Variants in NWD2 observed in about 807,000 individuals in gnomAD.
The protein encoded by NWD2 is NACHT and WD repeat domain containing 2.
NWD2 carries 37 observed loss-of-function variants against 132.7 expected under a neutral mutation model. The observed-to-expected ratio is 0.28, with a 90% CI of 0.21 to 0.37. NWD2 has a LOEUF of 0.37. Ranked by LOEUF, NWD2 falls within the 10% of genes least tolerant of loss-of-function variation. The probability of loss-of-function intolerance (pLI) is 1.00; values close to 1 mark genes in which losing one functional copy is unlikely to be tolerated. For missense variants in NWD2, 1,592 were observed against 2,122.4 expected (o/e 0.75, Z 4.91); for synonymous variants, 705 against 803.0 (o/e 0.88, Z 2.06).
At chr4:37,294,049 G>A (rs888287556) in intron 1 of NWD2, among the ~76,000 whole-genome samples, 11 of 152,052 alleles carry the variant, frequency 7.2e-5, no homozygotes, top group Non-Finnish European at 1.5e-4. Context: ...CAAATCACAG[G>A]AAGTCCCCAC....
intron 3 of NWD2, among the ~76,000 whole-genome samples, chr4:37,421,208 A>G (rs1003321883): frequency 2.0e-5 from 3 of 152,138 alleles, no homozygotes; most frequent in African/African-American, 7.2e-5. Flanking sequence ...TTCTTTCTCT[A>G]GCATTTTAGA....
chr4:37,330,093 A>T (rs1719260948), intron 2 of NWD2, among the ~76,000 whole-genome samples: 1 of 152,234 alleles, frequency 6.6e-6, no homozygotes, highest in Non-Finnish European at 1.5e-5. Flanking sequence ...ATTTTAAGCA[A>T]GTCCATATAC....
At chr4:37,398,304 C>T in intron 3 of NWD2, among the ~76,000 whole-genome samples, 1 of 152,148 alleles carries the variant, frequency 6.6e-6, no homozygotes, top group East Asian at 1.9e-4. Flanking sequence ...TTTTCACGGA[C>T]ATGGATGAAG....
intron 3 of NWD2, among the ~76,000 whole-genome samples, chr4:37,370,327 C>G (rs1377853668): frequency 1.3e-5 from 2 of 152,116 alleles, no homozygotes; most frequent in Non-Finnish European, 2.9e-5. Flanking sequence ...GATTTCCAAA[C>G]CTATAGTTAA....
At position 37,449,175 on chromosome 4, in the gene NWD2, G is replaced by A. The variant is rs1440936432; in HGVS notation, c.*1958G>A. 1 of 152,176 alleles carries A rather than the reference G, an allele frequency of 6.6e-6. No homozygotes were observed. Among genetic ancestry groups the A allele is most frequent in the South Asian group, 2.1e-4 (1 of 4,834 alleles). 9.4% of individuals were successfully genotyped at this position (152,176 alleles called of 1,614,324 possible). A position where few individuals can be genotyped will look rare whatever the true frequency, so the allele number is the denominator to read the frequency against. On this transcript the variant is annotated 3_prime_UTR_variant, in exon 7 of 7. Transcript: ENST00000309447. ...CACATTTCTAAGAATTAAATGCCTA[G>A]ATGGATTAAATGTAGTATGTGAATG...
At chr4:37,251,343 C>A (rs886601580) in intron 1 of NWD2, among the ~76,000 whole-genome samples, 1 of 152,184 alleles carries the variant, frequency 6.6e-6, no homozygotes, top group Non-Finnish European at 1.5e-5. Context: ...CTGTTATATA[C>A]GTGGTTTATT....
intron 2 of NWD2, among the ~76,000 whole-genome samples, chr4:37,353,206 T>G (rs924073296): frequency 6.6e-6 from 1 of 152,214 alleles, no homozygotes; most frequent in African/African-American, 2.4e-5. Flanking sequence ...TTGTAGTGTT[T>G]CTACAGAGAG....
intron 3 of NWD2, among the ~76,000 whole-genome samples, chr4:37,358,367 C>T (rs1445049802): frequency 6.7e-6 from 1 of 148,834 alleles, no homozygotes; most frequent in South Asian, 2.1e-4. Flanking sequence ...GTTGGGGGAA[C>T]GAACACCGAA....
At chr4:37,303,300 A>T (rs1178352805) in intron 1 of NWD2, among the ~76,000 whole-genome samples, 1 of 152,122 alleles carries the variant, frequency 6.6e-6, no homozygotes, top group African/African-American at 2.4e-5. Context: ...ATTCTGTTAC[A>T]TCGGTGTATC....
chr4:37,412,989 TA>T (rs1721193215), intron 3 of NWD2, among the ~76,000 whole-genome samples: 1 of 152,100 alleles, frequency 6.6e-6, no homozygotes, highest in Non-Finnish European at 1.5e-5. Flanking sequence ...ATCAAAGACT[TA>T]AACGTAAGAC....
At position 37,447,180 on chromosome 4, in the gene NWD2, T is replaced by A. The variant is rs1712661706; in HGVS notation, c.5192T>A (p.Leu1731Gln). ...TGTTATGAGCGGGTATGCTCGGCCC[T>A]AGAAGCCAGGGGCCACAGCTATGCC... ...NSCYERVCSA[L>Q]EARGHSYAPD... The change falls in exon 7 of 7, where the codon CTA (leucine) becomes CAA (glutamine). Residue 1731 changes from leucine (L) to glutamine (Q), a missense_variant. Physicochemically the swap from Leu to Gln is moderately radical, Grantham distance 113. Transcript: ENST00000309447. The A allele has an allele frequency of 7.7e-6, 12 of 1,551,158 alleles. No homozygotes were observed. Among genetic ancestry groups the A allele is most frequent in the Non-Finnish European group, 1.0e-5 (12 of 1,146,938 alleles).
At chr4:37,344,868 G>A (rs1264481714) in intron 2 of NWD2, among the ~76,000 whole-genome samples, 1 of 151,982 alleles carries the variant, frequency 6.6e-6, no homozygotes, top group African/African-American at 2.4e-5. Context: ...GACTCCCCAA[G>A]CACCCCATTC....
chr4:37,260,041 T>C (rs1717597118), intron 1 of NWD2, among the ~76,000 whole-genome samples: 1 of 152,234 alleles, frequency 6.6e-6, no homozygotes, highest in South Asian at 2.1e-4. Context: ...AACATTATTT[T>C]TATGGGCAGT....
chr4:37,352,715 C>A (rs1448205381), intron 2 of NWD2, among the ~76,000 whole-genome samples: 1 of 152,140 alleles, frequency 6.6e-6, no homozygotes, highest in Non-Finnish European at 1.5e-5. Context: ...GGTAAATATT[C>A]CTCCATCCCT....
At chr4:37,311,890 T>A (rs1466157651) in intron 1 of NWD2, among the ~76,000 whole-genome samples, 2 of 151,476 alleles carry the variant, frequency 1.3e-5, no homozygotes, top group African/African-American at 4.9e-5. Flanking sequence ...TAGGGAATCC[T>A]TTCCCTATTG....
At chr4:37,348,619 C>A (rs1475973405) in intron 2 of NWD2, among the ~76,000 whole-genome samples, 3 of 84,946 alleles carry the variant, frequency 3.5e-5, no homozygotes, top group Non-Finnish European at 4.3e-5. Context: ...ATTTTAAGAT[C>A]CTTGCCTGTG....
At chr4:37,245,301 G>T (rs1019103178) in intron 1 of NWD2, 83 bp downstream of exon 1, 2 of 1,387,682 alleles carry the variant, frequency 1.4e-6, no homozygotes, top group African/African-American at 3.0e-5. Context: ...CCGCCCCACA[G>T]CCCGGTGCGC....
intron 6 of NWD2, among the ~76,000 whole-genome samples, chr4:37,441,885 C>T (rs963407411): frequency 2.6e-5 from 4 of 152,102 alleles, no homozygotes; most frequent in South Asian, 2.1e-4. Flanking sequence ...ACCATGAGCT[C>T]GTGATGGTAG....
chr4:37,446,770 T>C lies in NWD2; in HGVS notation c.4782T>C (p.Gly1594=). The change falls in exon 7 of 7, where the codon GGT becomes GGC. Residue 1594 remains glycine (G), a synonymous_variant. Transcript: ENST00000309447. The surrounding 1 kb of genome is among the most constrained non-coding windows in gnomAD (Gnocchi z 6.7). Reference sequence around the variant, plus strand: ...ATGGGGAGGAGGAGGATGAAAATGGTGCAATATTCAGTTTAATTGTAATGA... The same window carrying C: ...ATGGGGAGGAGGAGGATGAAAATGGCGCAATATTCAGTTTAATTGTAATGA... ...FRNGEEEDEN[G]AIFSLIVMRL... is the part of the protein sequence containing the mutation. 1.9e-6 allele frequency: 3 copies of C among 1,551,724 alleles called. No homozygotes were observed. The highest frequency in any genetic ancestry group is 2.6e-6 in the Non-Finnish European group (3 of 1,147,018).
Sources: allele counts gnomAD v4.1 joint callset (sites outside exome capture counted in the v4.1 genomes callset), GRCh38; gene constraint gnomAD v4.1.1; non-coding constraint Gnocchi (gnomAD v3.1); transcripts MANE v1.5; gene names NCBI Gene and HGNC (gene_info 2026-07-23, HGNC 2026-07-21).